FAM163B: variants seen among roughly 807,000 people sequenced by gnomAD.
The protein encoded by FAM163B is protein FAM163B.
FAM163B carries 4 observed loss-of-function variants against 7.6 expected under a neutral mutation model. The observed-to-expected ratio is 0.52, with a 90% CI of 0.26 to 1.20. The LOEUF (loss-of-function observed/expected upper bound fraction) is 1.20. FAM163B is among the 50% of genes most tolerant of loss of function. The pLI is 0.14. For synonymous variants in FAM163B, 120 were observed against 111.6 expected, an observed-to-expected ratio of 1.07 and a Z score of -0.47; for missense variants, 250 against 243.0, an observed-to-expected ratio of 1.03 and a Z score of -0.19.
intron 1 of FAM163B, among the ~76,000 whole-genome samples, chr9:133,585,077 G>A (rs893398732): frequency 3.6e-4 from 55 of 152,376 alleles, no homozygotes; most frequent in Middle Eastern, 6.8e-3. Flanking sequence ...AGTCCACAGA[G>A]TCTGTGGCAA....
Position 133,580,197 on chromosome 9 carries a change from G to C in FAM163B, c.27C>G (p.Thr9=). 1 of 1,613,498 alleles carries C rather than the reference G, an allele frequency of 6.2e-7. No homozygotes were observed. The highest frequency in any genetic ancestry group is 8.5e-7 in the Non-Finnish European group (1 of 1,180,006). Residue 9 remains threonine (T), a synonymous_variant, in exon 2 of 3, where the codon ACC becomes ACG. Transcript: ENST00000673969. MTAGTVVI[T]GGILATVILL... ...AAATCACAGTCGCCAAGATGCCCCC[G>C]GTGATGACCACGGTCCCGGCTGTCA...
chr9:133,605,806 C>G (rs902813065), intron 1 of FAM163B, among the ~76,000 whole-genome samples: 1 of 152,184 alleles, frequency 6.6e-6, no homozygotes, highest in East Asian at 1.9e-4. Context: ...CAGGCCGTCT[C>G]CCATCACCCC....
chr9:133,604,284 T>C (rs1003241676), intron 1 of FAM163B, among the ~76,000 whole-genome samples: 1 of 152,206 alleles, frequency 6.6e-6, no homozygotes, highest in Non-Finnish European at 1.5e-5. Flanking sequence ...TTTACTGATA[T>C]GGGTCCAGGT....
At position 133,577,412 on chromosome 9, in the gene FAM163B, CAAACG is replaced by C. The variant is rs1831267825; in HGVS notation, c.*1605_*1609del. ...CAAGGGCGAATGCCACTGGCCTGTC[CAAACG>C]AGGCAGGAGAGAAAGTAAGAGGAGG... On this transcript the variant is annotated 3_prime_UTR_variant, in exon 3 of 3. Transcript: ENST00000673969. Among the ~76,000 whole-genome samples the C allele has an allele frequency of 6.6e-6, 1 of 152,214 alleles. No homozygotes were observed. The highest frequency in any genetic ancestry group is 1.5e-5 in the Non-Finnish European group (1 of 68,036).
In FAM163B at chr9:133,608,197, A is replaced by T. The variant is rs562768609; in HGVS notation, c.-24+880T>A. ...GACGAATGCTGGGGCTCAGGCCTCA[A>T]GGATACTCCCCTTACCCTGCAGAAG... is the stretch of plus-strand genomic sequence containing the variant. On this transcript the variant is annotated intron_variant, in intron 1 of 2. Transcript: ENST00000673969. Among the ~76,000 whole-genome samples, 2 of 152,322 alleles carry T rather than the reference A, an allele frequency of 1.3e-5. 1 individual carries two copies. Among genetic ancestry groups the T allele is most frequent in the South Asian group, 4.1e-4 (2 of 4,828 alleles).
At chr9:133,593,136 G>C (rs1490770528) in intron 1 of FAM163B, among the ~76,000 whole-genome samples, 1 of 152,216 alleles carries the variant, frequency 6.6e-6, no homozygotes, top group African/African-American at 2.4e-5. Flanking sequence ...GCTGGGACCT[G>C]ATGAAGGTTT....
At chr9:133,594,409 G>C (rs1831601221) in intron 1 of FAM163B, among the ~76,000 whole-genome samples, 1 of 151,992 alleles carries the variant, frequency 6.6e-6, no homozygotes, top group Non-Finnish European at 1.5e-5. Context: ...CTTGCTTCTG[G>C]GCCTTTGCTA....
intron 1 of FAM163B, among the ~76,000 whole-genome samples, chr9:133,582,741 G>A (rs1330387279): frequency 4.6e-5 from 7 of 152,354 alleles, no homozygotes; most frequent in African/African-American, 1.2e-4. Flanking sequence ...TGGGCCAGCC[G>A]GCCTCTCTCC....
chr9:133,582,653 G>A (rs1390350869), intron 1 of FAM163B, among the ~76,000 whole-genome samples: 1 of 152,244 alleles, frequency 6.6e-6, no homozygotes, highest in Non-Finnish European at 1.5e-5. Context: ...CCAAGAGGCT[G>A]GTGGCCACTT....
intron 1 of FAM163B, among the ~76,000 whole-genome samples, chr9:133,596,351 T>A (rs148116207): frequency 1.3e-5 from 2 of 150,650 alleles, no homozygotes; most frequent in East Asian, 4.0e-4. Context: ...CGTTCCTCCA[T>A]GTTTCAGTTT....
At chr9:133,595,209 G>A (rs575642175) in intron 1 of FAM163B, among the ~76,000 whole-genome samples, 8 of 152,270 alleles carry the variant, frequency 5.3e-5, no homozygotes, top group East Asian at 1.9e-4. Flanking sequence ...GCAATGGCAC[G>A]ATCTCAGCTC....
intron 1 of FAM163B, among the ~76,000 whole-genome samples, chr9:133,589,874 G>A (rs941440904): frequency 8.6e-5 from 13 of 151,280 alleles, no homozygotes; most frequent in Non-Finnish European, 1.6e-4. Context: ...GCAGTTTCCC[G>A]ATCTCCCAGC....
chr9:133,602,072 GC>G (rs1250930960), intron 1 of FAM163B, among the ~76,000 whole-genome samples: 1 of 151,076 alleles, frequency 6.6e-6, no homozygotes, highest in Non-Finnish European at 1.5e-5. Flanking sequence ...TTTGAACCCT[GC>G]CCCCCGCCCC....
intron 1 of FAM163B, among the ~76,000 whole-genome samples, chr9:133,590,256 C>CTCCT (rs1831531116): frequency 9.4e-6 from 1 of 106,002 alleles, no homozygotes; most frequent in Non-Finnish European, 2.2e-5. Flanking sequence ...CCTTCTCTCT[C>CTCCT]TCCTTCCTTC....
Position 133,590,068 on chromosome 9 carries a change from CT to C in FAM163B, c.-23-9823del, listed in dbSNP as rs1391212039. ...TTCCCTTCCCTTCCCTTCCCTTCCCCTTCCCTTCCCCTTCCCCTTCCCTTCC... is the reference window on the plus strand; with the variant it reads ...TTCCCTTCCCTTCCCTTCCCTTCCCCTCCCTTCCCCTTCCCCTTCCCTTCC... On this transcript the variant is annotated intron_variant, in intron 1 of 2. Transcript: ENST00000673969. 1.8e-3 allele frequency among the ~76,000 whole-genome samples: 47 copies of C among 25,982 alleles called. 5 individuals are homozygous for C. The highest frequency in any genetic ancestry group is 8.3e-4 in the Non-Finnish European group (9 of 10,812). The allele number at this position is 25,982 out of a possible 152,430, so 17.0% of individuals were successfully genotyped here.
In FAM163B at chr9:133,585,920, CAG is replaced by C. The variant is rs1831429869; in HGVS notation, c.-23-5676_-23-5675del. The C allele has an allele frequency of 1.3e-5, 2 of 152,242 alleles. 1 individual carries two copies. Among genetic ancestry groups the C allele is most frequent in the South Asian group, 4.1e-4 (2 of 4,830 alleles). 9.4% of individuals were successfully genotyped at this position (152,242 alleles called of 1,614,324 possible). A position where few individuals can be genotyped will look rare whatever the true frequency, so the allele number is the denominator to read the frequency against. On this transcript the variant is annotated intron_variant, in intron 1 of 2. Transcript: ENST00000673969. The stretch of plus-strand genomic sequence containing the variant: ...GTCTCGTCGAGGGCTTATGGAGACT[CAG>C]AGCGCCTTTTCTCCACAAACACATC...
intron 1 of FAM163B, among the ~76,000 whole-genome samples, chr9:133,590,719 A>G (rs1391939016): frequency 1.3e-5 from 2 of 152,204 alleles, no homozygotes; most frequent in African/African-American, 4.8e-5. Context: ...GCCAGTAGAC[A>G]CATGGAAGGC....
chr9:133,589,907 G>C (rs1188050937), intron 1 of FAM163B, among the ~76,000 whole-genome samples: 1 of 152,040 alleles, frequency 6.6e-6, no homozygotes, highest in Non-Finnish European at 1.5e-5. Flanking sequence ...AATGGGGGGT[G>C]GGAGGGTAGG....
At chr9:133,586,911 A>T (rs1831447885) in intron 1 of FAM163B, among the ~76,000 whole-genome samples, 1 of 152,118 alleles carries the variant, frequency 6.6e-6, no homozygotes, top group East Asian at 1.9e-4. Flanking sequence ...CCCCCAGCGT[A>T]GGCGGCTTTC....
Sources: allele counts gnomAD v4.1 joint callset (sites outside exome capture counted in the v4.1 genomes callset), GRCh38; gene constraint gnomAD v4.1.1; transcripts MANE v1.5; gene names NCBI Gene and HGNC (gene_info 2026-07-23, HGNC 2026-07-21).